Variants in CPAMD8 observed in about 807,000 individuals in gnomAD.
CPAMD8 encodes the protein C3 and PZP-like alpha-2-macroglobulin domain-containing protein 8.
CPAMD8 carries 146 observed loss-of-function variants against 224.7 expected under a neutral mutation model. That is an observed-to-expected ratio of 0.65 (90% confidence interval 0.57 to 0.75). CPAMD8 has a LOEUF of 0.75. Ranked by LOEUF, CPAMD8 falls within the 30% of genes least tolerant of loss-of-function variation. The pLI, the probability that CPAMD8 is intolerant of heterozygous loss-of-function variation, is 0.00. For missense variants in CPAMD8, 2,301 were observed against 2,537.5 expected, an observed-to-expected ratio of 0.91 and a Z score of 2.00; for synonymous variants, 966 against 1,044.6, an observed-to-expected ratio of 0.92 and a Z score of 1.45.
At chr19:16,937,145 A>AT (rs1568495790) in intron 23 of CPAMD8, among the ~76,000 whole-genome samples, 1 of 110,708 alleles carries the variant, frequency 9.0e-6, no homozygotes, top group Admixed American at 1.0e-4. Flanking sequence ...TCCTTACTTC[A>AT]TTTTTTTGAG....
At chr19:16,961,321 C>G (rs775229572) in intron 18 of CPAMD8, among the ~76,000 whole-genome samples, 5 of 152,262 alleles carry the variant, frequency 3.3e-5, no homozygotes, top group Non-Finnish European at 5.9e-5. Context: ...AAATACTGAG[C>G]TTTTCCCATG....
chr19:16,909,758 T>C (rs952216135), intron 29 of CPAMD8, among the ~76,000 whole-genome samples: 20 of 151,918 alleles, frequency 1.3e-4, no homozygotes, highest in African/African-American at 3.6e-4. Context: ...AAAAAAAAAT[T>C]TGTATTAGAG....
chr19:16,999,319 G>A (rs570705108), intron 10 of CPAMD8, among the ~76,000 whole-genome samples: 2 of 152,160 alleles, frequency 1.3e-5, no homozygotes, highest in South Asian at 2.1e-4. Flanking sequence ...AGTGGCTCAC[G>A]CCTGTAATCC....
At chr19:17,019,432 T>A (rs1257643806) in intron 3 of CPAMD8, among the ~76,000 whole-genome samples, 2 of 152,130 alleles carry the variant, frequency 1.3e-5, no homozygotes, top group African/African-American at 4.8e-5. Flanking sequence ...CAGTGGTGTG[T>A]GTCCTTTAAC....
intron 23 of CPAMD8, among the ~76,000 whole-genome samples, chr19:16,937,058 C>CTCCTTCCT (rs1392841393): frequency 9.6e-6 from 1 of 104,554 alleles, no homozygotes; most frequent in African/African-American, 5.2e-5. Flanking sequence ...CCTTCCTTCC[C>CTCCTTCCT]TCCTGCCTTC....
chr19:17,020,524 C>T (rs1455818803), intron 2 of CPAMD8, among the ~76,000 whole-genome samples, 171 bp from the exon 3 acceptor site: 2 of 152,074 alleles, frequency 1.3e-5, no homozygotes, highest in East Asian at 3.9e-4. Flanking sequence ...CTGGCAGAAG[C>T]CAGAGGTTTC....
At chr19:16,940,131 C>T (rs1156250295) in intron 22 of CPAMD8, among the ~76,000 whole-genome samples, 6 of 152,018 alleles carry the variant, frequency 3.9e-5, no homozygotes, top group East Asian at 1.9e-4. Context: ...AGGCTAGTCT[C>T]GAACTCCTGA....
Position 16,934,407 on chromosome 19 carries a change from T to C in CPAMD8, c.2845+3988A>G, listed in dbSNP as rs145955636. ...ATGTTCATAAAAGTGTTAATTACAA[T>C]ATTAAAAAGTAGAAGTACTATAAGA... is the stretch of plus-strand genomic sequence containing the variant. On this transcript the variant is annotated intron_variant, in intron 23 of 41. Transcript: ENST00000443236. Among the ~76,000 whole-genome samples, 8 of 152,314 alleles carry C rather than the reference T, an allele frequency of 5.3e-5. No individual in the cohort carries two copies. In the East Asian group the frequency reaches 1.3e-3, roughly 26 times the overall value.
chr19:16,985,785 A>T (rs2055699911), intron 13 of CPAMD8, among the ~76,000 whole-genome samples: 1 of 149,326 alleles, frequency 6.7e-6, no homozygotes, highest in South Asian at 2.1e-4. Context: ...GGAGGGAGAG[A>T]GGATAGATGG....
chr19:16,958,262 CCT>C (rs1260069931), intron 18 of CPAMD8, among the ~76,000 whole-genome samples: 1 of 152,098 alleles, frequency 6.6e-6, no homozygotes, highest in Non-Finnish European at 1.5e-5. Context: ...TATTTCTGAT[CCT>C]CTCTGTCTTC....
chr19:16,901,739 G>A (rs575085930), intron 35 of CPAMD8, among the ~76,000 whole-genome samples: 2 of 152,278 alleles, frequency 1.3e-5, no homozygotes, highest in South Asian at 2.1e-4. Flanking sequence ...GTGGGGCGGG[G>A]AGGGAGGTAA....
chr19:16,938,308 G>T, intron 23 of CPAMD8, 87 bp downstream of exon 23: 1 of 653,142 alleles, frequency 1.5e-6, no homozygotes, highest in Non-Finnish European at 2.6e-6. Flanking sequence ...CAGCGGGACA[G>T]CCCCCACAGT....
Position 16,938,423 on chromosome 19 carries a change from G to A in CPAMD8, c.2817C>T (p.Tyr939=), listed in dbSNP as rs775600916. 6.3e-7 allele frequency: 1 copy of A among 1,576,264 alleles called. No homozygotes were observed. The highest frequency in any genetic ancestry group is 1.4e-5 in the African/African-American group (1 of 72,054). The part of the protein sequence containing the change: ...MVEAEGVPRA[Y]TYSAFFCPSE... ...TGGGACAGAAGAATGCGCTGTAGGT[G>A]TACGCCCGGGGGACTCCTTCCGCCT... The change falls in exon 23 of 42, where the codon TAC becomes TAT. Residue 939 remains tyrosine, a synonymous_variant. Transcript: ENST00000443236.
chr19:16,907,986 C>G (rs2052588771), intron 29 of CPAMD8, among the ~76,000 whole-genome samples: 1 of 152,186 alleles, frequency 6.6e-6, no homozygotes, highest in African/African-American at 2.4e-5. Flanking sequence ...GGCAAATGAG[C>G]ACAGTGATAC....
chr19:17,024,417 G>A (rs73499190), intron 1 of CPAMD8, among the ~76,000 whole-genome samples: 3,546 of 152,310 alleles, frequency 0.023, 145 homozygotes, highest in African/African-American at 0.081. Context: ...ACCCTGTCCA[G>A]GTGTCCTGTC....
intron 30 of CPAMD8, among the ~76,000 whole-genome samples, chr19:16,906,420 T>C (rs1414643362): frequency 6.8e-6 from 1 of 146,448 alleles, no homozygotes; most frequent in Non-Finnish European, 1.5e-5. Context: ...CCTTCCTTCC[T>C]TCCTTCCTTC....
intron 23 of CPAMD8, among the ~76,000 whole-genome samples, chr19:16,936,255 G>A (rs2053680154): frequency 6.6e-6 from 1 of 151,954 alleles, no homozygotes; most frequent in Non-Finnish European, 1.5e-5. Context: ...CATTCTTATA[G>A]GTGGTGTGTA....
At position 16,975,156 on chromosome 19, in the gene CPAMD8, G is replaced by A. The variant is rs374988485; in HGVS notation, c.2011C>T (p.Arg671Cys). ...WAGLTAQRRR[R>C]SSVFPWPWGI... ...CAAGGCCACGGGAAGACAGAGGAGCGCCGGCGTCGTTGTGCCGTCAGCCCA... is the reference window on the plus strand; with the variant it reads ...CAAGGCCACGGGAAGACAGAGGAGCACCGGCGTCGTTGTGCCGTCAGCCCA... Residue 671 changes from arginine to cysteine, a missense_variant, in exon 17 of 42, where the codon CGC becomes TGC. This residue lies in a region of CPAMD8 where 1,709 missense variants were observed against 1,753.2 expected (regional missense o/e 0.97). Coordinates refer to ENST00000443236, the MANE Select transcript of CPAMD8 (RefSeq NM_015692.5). 29 of 1,612,726 alleles carry A rather than the reference G, an allele frequency of 1.8e-5. No homozygotes were observed. Among genetic ancestry groups the A allele is most frequent in the African/African-American group, 1.7e-4 (13 of 75,032 alleles).
At chr19:16,963,163 T>C (rs2054711418) in intron 18 of CPAMD8, among the ~76,000 whole-genome samples, 1 of 152,186 alleles carries the variant, frequency 6.6e-6, no homozygotes, top group South Asian at 2.1e-4. Context: ...GCTAATATCA[T>C]AATGACAGGA....
Sources: gnomAD v4.1 joint callset for allele counts (sites outside exome capture counted in the v4.1 genomes callset) on GRCh38, gnomAD v4.1.1 for gene constraint, gnomAD v4.1.1 regional missense constraint, MANE v1.5 for transcripts, NCBI Gene and HGNC (gene_info 2026-07-23, HGNC 2026-07-21) for gene names.